The following GNA14 variants were observed in gnomAD, a reference collection of about 807,000 sequenced individuals.
The protein encoded by GNA14 is G protein subunit alpha 14.
In GNA14, 50 loss-of-function variants were observed where a neutral mutation model predicts 42.0. That is an observed-to-expected ratio of 1.19 (90% CI 0.95 to 1.51). GNA14 has a LOEUF of 1.51. Ranked by LOEUF, GNA14 falls within the 40% of genes most tolerant of loss-of-function variation. GNA14 has a pLI of 0.00. For synonymous variants in GNA14, 173 were observed against 163.1 expected (o/e 1.06, Z -0.46); for missense variants, 473 against 446.2 (o/e 1.06, Z -0.54).
chr9:77,580,699 G>T, intron 1 of GNA14: 1 of 243,514 alleles, frequency 4.1e-6, no homozygotes. Context: ...TACTCCTCCA[G>T]ATGCTCCAAA....
intron 1 of GNA14, among the ~76,000 whole-genome samples, chr9:77,571,769 A>AG (rs1262992332): frequency 6.6e-6 from 1 of 151,954 alleles, no homozygotes; most frequent in Non-Finnish European, 1.5e-5. Flanking sequence ...AAAAAAAAAA[A>AG]AAGGTTAAGT....
At chr9:77,646,559 C>G (rs1824355239) in intron 1 of GNA14, among the ~76,000 whole-genome samples, 1 of 152,162 alleles carries the variant, frequency 6.6e-6, no homozygotes, top group Non-Finnish European at 1.5e-5. Context: ...ATTACACTAA[C>G]TAGATCAACT....
rs544315392 is a variant in GNA14 at position 77,594,799 on chromosome 9, G to A, written c.124+52871C>T. ...CCTACCAGATTTGCTCAAGTTTCTGGGCAATGATAGGGCCTTCTCCGTGTG... is the reference window on the plus strand; with the variant it reads ...CCTACCAGATTTGCTCAAGTTTCTGAGCAATGATAGGGCCTTCTCCGTGTG... On this transcript the variant is annotated intron_variant, in intron 1 of 6. Transcript: ENST00000341700. Among the ~76,000 whole-genome samples the A allele has an allele frequency of 2.4e-3, 365 of 152,270 alleles. 1 individual carries two copies. Among genetic ancestry groups the A allele is most frequent in the Non-Finnish European group, 3.8e-3 (260 of 68,026 alleles).
chr9:77,584,389 T>C (rs914360667), intron 1 of GNA14, among the ~76,000 whole-genome samples: 3 of 152,332 alleles, frequency 2.0e-5, no homozygotes, highest in African/African-American at 7.2e-5. Context: ...TGATGGGGTG[T>C]GCAATCAAAG....
intron 2 of GNA14, among the ~76,000 whole-genome samples, chr9:77,480,683 T>G (rs1040699212): frequency 6.6e-6 from 1 of 152,164 alleles, no homozygotes; most frequent in East Asian, 1.9e-4. Context: ...GGTCCTGGCT[T>G]TTTTTGGTTG....
intron 2 of GNA14, among the ~76,000 whole-genome samples, chr9:77,435,718 C>A (rs1164980572): frequency 2.6e-5 from 4 of 152,148 alleles, no homozygotes; most frequent in African/African-American, 9.7e-5. Context: ...CAATGGGAGG[C>A]TAGCATGAGC....
chr9:77,514,947 G>A (rs1240758423), intron 2 of GNA14, among the ~76,000 whole-genome samples: 1 of 152,256 alleles, frequency 6.6e-6, no homozygotes, highest in South Asian at 2.1e-4. Context: ...AATGAAGTTA[G>A]CTATTTATGA....
chr9:77,472,759 T>A (rs1836353567), intron 2 of GNA14, among the ~76,000 whole-genome samples: 1 of 151,204 alleles, frequency 6.6e-6, no homozygotes, highest in Non-Finnish European at 1.5e-5. Context: ...TGGGATTAGT[T>A]TCCTTATAAG....
At chr9:77,486,519 G>C (rs1836662258) in intron 2 of GNA14, among the ~76,000 whole-genome samples, 1 of 152,244 alleles carries the variant, frequency 6.6e-6, no homozygotes, top group African/African-American at 2.4e-5. Flanking sequence ...TTTACAACTT[G>C]GCTATTTGGT....
chr9:77,565,780 G>A (rs1456874102), intron 1 of GNA14, among the ~76,000 whole-genome samples: 5 of 152,104 alleles, frequency 3.3e-5, no homozygotes, highest in East Asian at 3.9e-4. Context: ...TAAATGCAAC[G>A]ATTAGAAAAT....
intron 1 of GNA14, among the ~76,000 whole-genome samples, chr9:77,576,184 G>A (rs1405040916): frequency 6.6e-6 from 1 of 152,160 alleles, no homozygotes; most frequent in Non-Finnish European, 1.5e-5. Context: ...TTAAGGGAGA[G>A]AGATTGAGGG....
chr9:77,640,749 T>A (rs1824243841), intron 1 of GNA14, among the ~76,000 whole-genome samples: 1 of 150,402 alleles, frequency 6.6e-6, no homozygotes, highest in South Asian at 2.1e-4. Flanking sequence ...TTTTAAAAGA[T>A]CCAGTTCTCC....
At chr9:77,618,671 T>C (rs866640365) in intron 1 of GNA14, among the ~76,000 whole-genome samples, 3 of 115,476 alleles carry the variant, frequency 2.6e-5, no homozygotes, top group Non-Finnish European at 5.1e-5. Flanking sequence ...TCTCGCTCTG[T>C]CGCCCAGGCT....
chr9:77,570,857 A>G lies in GNA14; in HGVS notation c.125-41604T>C, dbSNP rs566255242. Among the ~76,000 whole-genome samples, 5 of 151,274 alleles carry G rather than the reference A, an allele frequency of 3.3e-5. No individual in the cohort carries two copies. The East Asian group carries it at 7.7e-4, about 23-fold the overall frequency. ...GTATCATTTTACATTCCCACTGGAAATATCTGAGCTCTCAAATTTTAATGT... is the reference window on the plus strand; with the variant it reads ...GTATCATTTTACATTCCCACTGGAAGTATCTGAGCTCTCAAATTTTAATGT... On this transcript the variant is annotated intron_variant, in intron 1 of 6. Transcript: ENST00000341700.
intron 2 of GNA14, among the ~76,000 whole-genome samples, chr9:77,453,399 T>A (rs1411601500): frequency 6.6e-6 from 1 of 152,226 alleles, no homozygotes; most frequent in East Asian, 1.9e-4. Flanking sequence ...TATTAGTCTC[T>A]TTTCTTCATT....
At chr9:77,484,864 A>G (rs888749009) in intron 2 of GNA14, among the ~76,000 whole-genome samples, 2 of 152,226 alleles carry the variant, frequency 1.3e-5, no homozygotes, top group Non-Finnish European at 2.9e-5. Flanking sequence ...CAATAGCATT[A>G]TATCTAAAAA....
chr9:77,429,841 T>A (rs1835515193), intron 4 of GNA14, among the ~76,000 whole-genome samples: 1 of 152,178 alleles, frequency 6.6e-6, no homozygotes, highest in African/African-American at 2.4e-5. Context: ...TCAAACGTTT[T>A]TTTAGTAACA....
chr9:77,519,278 G>GC (rs1368316334), intron 2 of GNA14, among the ~76,000 whole-genome samples: 1 of 152,078 alleles, frequency 6.6e-6, no homozygotes, highest in Non-Finnish European at 1.5e-5. Context: ...GGGCGTGGTG[G>GC]CGGGTGCCTG....
intron 2 of GNA14, among the ~76,000 whole-genome samples, chr9:77,523,186 C>T (rs1028677530): frequency 1.6e-4 from 24 of 152,260 alleles, no homozygotes; most frequent in Admixed American, 8.5e-4. Context: ...TCTTGCATTG[C>T]TAAACAGAAA....
Sources: gnomAD v4.1 joint callset for allele counts (sites outside exome capture counted in the v4.1 genomes callset) on GRCh38, gnomAD v4.1.1 for gene constraint, MANE v1.5 for transcripts, NCBI Gene and HGNC (gene_info 2026-07-23, HGNC 2026-07-21) for gene names.